Variants in OTUD7B observed in about 807,000 individuals in gnomAD.
The protein encoded by OTUD7B is OTU domain-containing protein 7B.
In OTUD7B, 34 loss-of-function variants were observed where a neutral mutation model predicts 82.2. The ratio of observed to expected loss-of-function variants is 0.41; its 90% CI spans 0.31 to 0.55. The LOEUF (loss-of-function observed/expected upper bound fraction) is 0.55. OTUD7B is among the 20% of genes least tolerant of loss of function. OTUD7B has a pLI of 0.20. For missense variants in OTUD7B, 944 were observed against 1,062.1 expected (o/e 0.89, Z 1.55); for synonymous variants, 398 against 402.7 (o/e 0.99, Z 0.14).
the OTUD7B span, among the ~76,000 whole-genome samples, chr1:150,063,622 G>T: frequency 3.9e-5 from 6 of 152,172 alleles, no homozygotes; most frequent in Non-Finnish European, 7.3e-5. Context: ...TGGTAGTCAT[G>T]CTACAAGCCA....
the OTUD7B span, chr1:150,047,905 T>C: frequency 6.6e-6 from 1 of 151,888 alleles, no homozygotes; most frequent in Non-Finnish European, 1.5e-5. Context: ...TAAGACAAGA[T>C]CGCGCTCCAG....
intron 1 of OTUD7B, among the ~76,000 whole-genome samples, chr1:149,996,867 C>A (rs1290864978): frequency 9.9e-5 from 15 of 152,088 alleles, no homozygotes; most frequent in African/African-American, 3.4e-4. Flanking sequence ...ATGGAAGAAG[C>A]CAAGCATTAG....
chr1:150,033,919 A>T, the OTUD7B span, among the ~76,000 whole-genome samples: 1 of 152,100 alleles, frequency 6.6e-6, no homozygotes, highest in Non-Finnish European at 1.5e-5. Flanking sequence ...ACCAGGTTTC[A>T]CCATGTTGGC....
the OTUD7B span, among the ~76,000 whole-genome samples, chr1:150,062,731 A>G: frequency 8.1e-5 from 1 of 12,410 alleles, no homozygotes; most frequent in Admixed American, 9.6e-4. Flanking sequence ...TTTTTTTTTG[A>G]GACGGAGTTT....
chr1:150,012,128 G>A (rs587618819), upstream of OTUD7B, among the ~76,000 whole-genome samples: 1 of 152,264 alleles, frequency 6.6e-6, no homozygotes, highest in African/African-American at 2.4e-5. Context: ...GCGTATAAGG[G>A]ACCACAAATT....
chr1:150,025,208 G>A, the OTUD7B span, among the ~76,000 whole-genome samples: 3 of 152,016 alleles, frequency 2.0e-5, no homozygotes, highest in Admixed American at 6.6e-5. Flanking sequence ...GATCACCTGA[G>A]GTCACGCGTT....
the OTUD7B span, among the ~76,000 whole-genome samples, chr1:150,043,323 A>G: frequency 6.6e-6 from 1 of 152,228 alleles, no homozygotes; most frequent in Non-Finnish European, 1.5e-5. Flanking sequence ...TCATATAAAG[A>G]ATTTTAAAGG....
At chr1:150,013,387 G>C (rs1193950987), upstream of OTUD7B, among the ~76,000 whole-genome samples, 6 of 152,238 alleles carry the variant, frequency 3.9e-5, no homozygotes, top group African/African-American at 1.4e-4. Flanking sequence ...CTAGAGTTGG[G>C]GAAAATGTTC....
At chr1:150,036,420 C>T in the OTUD7B span, among the ~76,000 whole-genome samples, 9 of 151,928 alleles carry the variant, frequency 5.9e-5, no homozygotes, top group South Asian at 1.9e-3. Context: ...CCACCACACT[C>T]AACTAATTTT....
chr1:150,043,731 A>G, the OTUD7B span, among the ~76,000 whole-genome samples: 3 of 152,172 alleles, frequency 2.0e-5, no homozygotes, highest in African/African-American at 7.2e-5. Context: ...TATAATTATT[A>G]TAACATTTTT....
At chr1:149,948,909 G>T in intron 10 of OTUD7B, 60 bp downstream of exon 10, 1 of 1,110,076 alleles carries the variant, frequency 9.0e-7, no homozygotes, top group Non-Finnish European at 1.4e-6. Context: ...CTGGGAGATG[G>T]ATGCCACATG....
chr1:149,959,764 C>T lies in OTUD7B; in HGVS notation c.765G>A (p.Gln255=). The T allele has an allele frequency of 6.2e-7, 1 of 1,613,972 alleles. No individual in the cohort carries two copies. Among genetic ancestry groups the T allele is most frequent in the Non-Finnish European group, 8.5e-7 (1 of 1,179,842 alleles). ...SGLVYTEDEW[Q]KEWNELIKLA... ...GCTTGATCAGTTCATTCCACTCCTT[C>T]TGCCATTCATCTTCTGTGTATACCA... is the stretch of plus-strand genomic sequence containing the variant. The change falls in exon 7 of 12, where the codon CAG becomes CAA. Residue 255 remains glutamine, a synonymous_variant. Transcript: ENST00000581312.
the OTUD7B span, among the ~76,000 whole-genome samples, chr1:150,044,527 TG>T: frequency 7.3e-5 from 11 of 151,570 alleles, no homozygotes; most frequent in African/African-American, 2.7e-4. Context: ...GCCCACCACC[TG>T]GGGTGGTGGT....
the OTUD7B span, among the ~76,000 whole-genome samples, chr1:150,044,852 A>T: frequency 6.6e-6 from 1 of 151,776 alleles, no homozygotes. Context: ...AACAAGATGT[A>T]TTAGTTACCT....
upstream of OTUD7B, among the ~76,000 whole-genome samples, chr1:150,013,087 C>T (rs1553787812): frequency 7.2e-5 from 11 of 152,196 alleles, no homozygotes; most frequent in Non-Finnish European, 2.9e-5. Context: ...AGCCAGAACA[C>T]AGTTGACTAT....
chr1:150,015,924 A>C, the OTUD7B span, among the ~76,000 whole-genome samples: 1 of 152,230 alleles, frequency 6.6e-6, no homozygotes, highest in Admixed American at 6.5e-5. Context: ...GCTTTTGGGA[A>C]AGTCTTCTTT....
upstream of OTUD7B, among the ~76,000 whole-genome samples, chr1:150,011,630 T>C (rs1370132604): frequency 6.6e-6 from 1 of 152,240 alleles, no homozygotes; most frequent in African/African-American, 2.4e-5. Flanking sequence ...CTGTGTGGAC[T>C]GTTTCAAGAA....
At chr1:150,067,571 C>G in the OTUD7B span, 2 of 428,810 alleles carry the variant, frequency 4.7e-6, no homozygotes, top group South Asian at 4.3e-5. Flanking sequence ...CAATAGGGGT[C>G]TGAGAGTCCG....
At chr1:150,036,262 C>CTTTTT in the OTUD7B span, among the ~76,000 whole-genome samples, 2 of 136,698 alleles carry the variant, frequency 1.5e-5, no homozygotes, top group Admixed American at 1.5e-4. Context: ...TTCATTGTAA[C>CTTTTT]TTTTTTTTTT....
Sources: allele counts gnomAD v4.1 joint callset (sites outside exome capture counted in the v4.1 genomes callset), GRCh38; gene constraint gnomAD v4.1.1; transcripts MANE v1.5; gene names NCBI Gene and HGNC (gene_info 2026-07-23, HGNC 2026-07-21).